PARP4: variants seen among roughly 807,000 people sequenced by gnomAD.
PARP4 encodes the protein poly(ADP-ribose) polymerase family member 4, also known as protein mono-ADP-ribosyltransferase PARP4.
PARP4 carries 120 observed loss-of-function variants against 187.7 expected under a neutral mutation model. The observed-to-expected ratio is 0.64, with a 90% CI of 0.55 to 0.74. The LOEUF is 0.74. Among genes scored for constraint, PARP4 ranks in the 30% least tolerant of loss-of-function variants. The pLI is 0.00. For synonymous variants in PARP4, 654 were observed against 740.9 expected (o/e 0.88, Z 1.90); for missense variants, 1,836 against 2,070.5 (o/e 0.89, Z 2.20).
At chr13:24,428,136 T>C (rs181077937) in intron 32 of PARP4, among the ~76,000 whole-genome samples, 2 of 152,264 alleles carry the variant, frequency 1.3e-5, no homozygotes, top group Admixed American at 1.3e-4. Context: ...AAGCACACGC[T>C]TACAGAAAAA....
chr13:24,499,261 G>GTTC, intron 5 of PARP4, 40 bp downstream of exon 5: 1 of 1,329,760 alleles, frequency 7.5e-7, no homozygotes. Flanking sequence ...AAACAGGTGT[G>GTTC]TTTTTTTTTT....
intron 27 of PARP4, among the ~76,000 whole-genome samples, 186 bp downstream of exon 27, chr13:24,446,495 A>G (rs9511272): frequency 0.35 from 52,607 of 152,094 alleles, 9,227 homozygotes; most frequent in Middle Eastern, 0.39. Context: ...ATAGCCGATG[A>G]GCTGAAAACA....
chr13:24,446,867 T>C lies in PARP4; in HGVS notation c.3286-106A>G. ...TTTTCTCTCCCCTTTCAATAAAAACTAGAAGCCTCCCCAAAGCCCTGGCTA... is the reference window on the plus strand; with the variant it reads ...TTTTCTCTCCCCTTTCAATAAAAACCAGAAGCCTCCCCAAAGCCCTGGCTA... On this transcript the variant is annotated intron_variant, in intron 26 of 33. Coordinates refer to ENST00000381989, the MANE Select transcript of PARP4 (RefSeq NM_006437.4). 3 of 1,375,258 alleles carry C rather than the reference T, an allele frequency of 2.2e-6. No individual in the cohort carries two copies. The South Asian group carries it at 4.0e-5, about 18-fold the overall frequency. 85.2% of individuals were successfully genotyped at this position (1,375,258 alleles called of 1,614,324 possible).
chr13:24,467,203 A>C (rs114708082), intron 17 of PARP4, among the ~76,000 whole-genome samples: 2,426 of 152,318 alleles, frequency 0.016, 59 homozygotes, highest in African/African-American at 0.051. Flanking sequence ...TAGGCTGGGC[A>C]CTGTCTTCAT....
At chr13:24,423,514 G>T (rs962828224) in intron 33 of PARP4, among the ~76,000 whole-genome samples, 3 of 148,654 alleles carry the variant, frequency 2.0e-5, no homozygotes, top group Non-Finnish European at 4.4e-5. Flanking sequence ...CTGGGTGACA[G>T]AACGAGATCT....
rs1869050586 is a variant in PARP4, at chr13:24,498,060, A to G, written c.591+56T>C. The G allele has an allele frequency of 5.6e-6, 7 of 1,240,406 alleles. No individual in the cohort carries two copies. The South Asian group carries it at 7.6e-5, about 14-fold the overall frequency. The allele number at this position is 1,240,406 out of a possible 1,614,324, so 76.8% of individuals were successfully genotyped here. Reference sequence around the variant, plus strand: ...GTTGGGAGGTCGGCTGATTCATTGAAATGAGTTATGAACAGAGGTCAGTAA... The same window carrying G: ...GTTGGGAGGTCGGCTGATTCATTGAGATGAGTTATGAACAGAGGTCAGTAA... On this transcript the variant is annotated intron_variant, in intron 6 of 33. Transcript: ENST00000381989.
In PARP4 at chr13:24,477,786, T is replaced by A. The variant is rs1377309336; in HGVS notation, c.1704A>T (p.Gly568=). ...MKYIIKFSMP[G]DQIKDFHPSD... ...TAGGATGAAAGTCCTTTATCTGATC[T>A]CCAGGCATGGAAAATTTAATAATAT... Residue 568 remains glycine, a synonymous_variant, in exon 14 of 34, where the codon GGA becomes GGT. Transcript: ENST00000381989. 6 of 1,568,820 alleles carry A rather than the reference T, an allele frequency of 3.8e-6. No homozygotes were observed. The highest frequency in any genetic ancestry group is 5.2e-6 in the Non-Finnish European group (6 of 1,145,852).
chr13:24,452,420 G>T lies in PARP4; in HGVS notation c.3000C>A (p.Phe1000Leu), dbSNP rs371311744. ...CTGAGACTCACCCGATACCGCAGGC[G>T]AATAACCTGGTGTGCGGGCGGCTCC... The part of the protein sequence containing the change: ...VKRSRPHTRL[F>L]ACGIGSTANR... The change falls in exon 24 of 34, where the codon TTC becomes TTA. Residue 1000 changes from phenylalanine to leucine, a missense_variant. Physicochemically the swap from Phe to Leu is conservative, Grantham distance 22 (BLOSUM62 0). This residue lies in a region of PARP4 where 1,147 missense variants were observed against 1,214.2 expected (regional missense o/e 0.94). Coordinates refer to ENST00000381989, the MANE Select transcript of PARP4 (RefSeq NM_006437.4). The T allele has an allele frequency of 1.2e-6, 2 of 1,613,006 alleles. No individual in the cohort carries two copies. Among genetic ancestry groups the T allele is most frequent in the South Asian group, 2.2e-5 (2 of 90,970 alleles).
intron 11 of PARP4, among the ~76,000 whole-genome samples, chr13:24,485,483 G>A (rs2137522401): frequency 6.6e-6 from 1 of 152,230 alleles, no homozygotes; most frequent in East Asian, 1.9e-4. Flanking sequence ...CTCAGTAGCA[G>A]TTTAATGGTT....
Position 24,434,465 on chromosome 13 carries a change from T to A in PARP4, c.4676A>T (p.Asp1559Val). 5.0e-6 allele frequency: 8 copies of A among 1,611,480 alleles called. No homozygotes were observed. The highest frequency in any genetic ancestry group is 6.8e-6 in the Non-Finnish European group (8 of 1,178,200). The change falls in exon 31 of 34, where the codon GAT becomes GTT. Residue 1559 changes from aspartate (D) to valine (V), a missense_variant. Around this residue, in one of 8 missense-constraint regions of PARP4, gnomAD observed 450 missense variants for 439.2 expected, o/e 1.02. Coordinates refer to ENST00000381989, the MANE Select transcript of PARP4 (RefSeq NM_006437.4). ...CCAGTGTTGTATGCACACTATTTCA[T>A]CCTCTTCTTTTACTTCCAGAAAGCA... is the stretch of plus-strand genomic sequence containing the variant. The part of the protein sequence containing the change: ...ILCFLEVKEE[D>V]EIVCIQHWQD...
chr13:24,428,642 T>C (rs1464643067), intron 32 of PARP4, among the ~76,000 whole-genome samples: 1 of 152,160 alleles, frequency 6.6e-6, no homozygotes, highest in African/African-American at 2.4e-5. Context: ...CCACCATGCC[T>C]GGCTAATTTT....
At chr13:24,433,876 C>T (rs1482728027) in intron 31 of PARP4, among the ~76,000 whole-genome samples, 1 of 152,260 alleles carries the variant, frequency 6.6e-6, no homozygotes, top group African/African-American at 2.4e-5. Flanking sequence ...TTAGTACCAG[C>T]GATGGGGCCA....
intron 15 of PARP4, among the ~76,000 whole-genome samples, chr13:24,472,115 ATTGT>A (rs1007455705): frequency 1.3e-5 from 2 of 152,144 alleles, no homozygotes; most frequent in Admixed American, 6.6e-5. Flanking sequence ...GCTTTATCAT[ATTGT>A]TTGTCTCTGG....
intron 24 of PARP4, among the ~76,000 whole-genome samples, chr13:24,450,253 A>G (rs1338309112): frequency 6.6e-6 from 1 of 152,076 alleles, no homozygotes; most frequent in African/African-American, 2.4e-5. Context: ...TCAACATAGC[A>G]AAAGGCATAA....
At chr13:24,492,740 T>C in intron 8 of PARP4, 146 bp from the exon 9 acceptor site, 1 of 680,778 alleles carries the variant, frequency 1.5e-6, no homozygotes, top group Non-Finnish European at 2.4e-6. Context: ...TGCTGATCTT[T>C]ATTGGAGACG....
At chr13:24,460,416 C>T (rs1011569494) in intron 17 of PARP4, among the ~76,000 whole-genome samples, 6 of 152,146 alleles carry the variant, frequency 3.9e-5, no homozygotes, top group Non-Finnish European at 7.3e-5. Flanking sequence ...CCCCAGGGGG[C>T]TCTCATGTGT....
At chr13:24,445,439 T>C (rs370759568) in intron 27 of PARP4, among the ~76,000 whole-genome samples, 114 of 151,406 alleles carry the variant, frequency 7.5e-4, no homozygotes, top group African/African-American at 2.2e-3. Context: ...GAGGGGAGAG[T>C]TAATCACCAA....
Position 24,476,809 on chromosome 13 carries a change from C to T in PARP4, c.1789+892G>A, listed in dbSNP as rs370305052. Among the ~76,000 whole-genome samples the T allele has an allele frequency of 5.3e-5, 8 of 152,288 alleles. No homozygotes were observed. In the East Asian group the frequency reaches 5.8e-4, roughly 11 times the overall value. On this transcript the variant is annotated intron_variant, in intron 14 of 33. Coordinates refer to ENST00000381989, the MANE Select transcript of PARP4 (RefSeq NM_006437.4). The stretch of plus-strand genomic sequence containing the variant: ...AGAAGTGAATATCCTCTTGTATGCT[C>T]GCACTACTATGGCTAACACACGCAC...
At chr13:24,509,600 A>AT (rs1869889564) in intron 1 of PARP4, among the ~76,000 whole-genome samples, 1 of 152,262 alleles carries the variant, frequency 6.6e-6, no homozygotes, top group Non-Finnish European at 1.5e-5. Context: ...TTTAAATAGT[A>AT]TTTTTTGGAT....
Sources: gnomAD v4.1 joint callset for allele counts (sites outside exome capture counted in the v4.1 genomes callset) on GRCh38, gnomAD v4.1.1 for gene constraint, gnomAD v4.1.1 regional missense constraint, MANE v1.5 for transcripts, NCBI Gene and HGNC (gene_info 2026-07-23, HGNC 2026-07-21) for gene names.